The following ITGA9 variants were observed in gnomAD, a reference collection of about 807,000 sequenced individuals.
The protein encoded by ITGA9 is integrin subunit alpha 9, also known as integrin alpha-9.
A neutral mutation model predicts 127.8 loss-of-function variants in ITGA9; 56 were observed. The observed-to-expected ratio is 0.44, with a 90% CI of 0.35 to 0.55. The LOEUF is 0.55. Among genes scored for constraint, ITGA9 ranks in the 20% least tolerant of loss-of-function variants. The probability of loss-of-function intolerance (pLI) is 0.00; values close to 1 mark genes in which losing one functional copy is unlikely to be tolerated. For missense variants in ITGA9, 1,196 were observed against 1,347.1 expected (o/e 0.89, Z 1.76); for synonymous variants, 508 against 514.5 (o/e 0.99, Z 0.17).
At chr3:37,489,573 C>G (rs546341101) in intron 4 of ITGA9, among the ~76,000 whole-genome samples, 1 of 152,124 alleles carries the variant, frequency 6.6e-6, no homozygotes, top group Non-Finnish European at 1.5e-5. Flanking sequence ...ATAAAATGTT[C>G]TCGCTTCCTC....
At chr3:37,509,718 A>G (rs1292786025) in intron 8 of ITGA9, among the ~76,000 whole-genome samples, 1 of 152,210 alleles carries the variant, frequency 6.6e-6, no homozygotes, top group African/African-American at 2.4e-5. Context: ...CCTTCCCGAG[A>G]ACTCTGCTGG....
intron 15 of ITGA9, among the ~76,000 whole-genome samples, chr3:37,610,584 C>G (rs1435360074): frequency 1.3e-5 from 2 of 152,142 alleles, no homozygotes; most frequent in Non-Finnish European, 2.9e-5. Context: ...GCCCGAGGTT[C>G]AGTGTTTGGA....
intron 15 of ITGA9, among the ~76,000 whole-genome samples, chr3:37,552,840 C>T (rs1046353083): frequency 1.3e-5 from 2 of 151,936 alleles, no homozygotes; most frequent in African/African-American, 4.8e-5. Context: ...CATGGTGAAA[C>T]CCCGTTTCTA....
At chr3:37,791,341 A>G (rs1336649597) in intron 26 of ITGA9, among the ~76,000 whole-genome samples, 2 of 148,552 alleles carry the variant, frequency 1.3e-5, no homozygotes, top group African/African-American at 2.5e-5. Flanking sequence ...CTGCTGCCAT[A>G]TGGAGCATGC....
chr3:37,663,696 T>G (rs1420780995), intron 17 of ITGA9, among the ~76,000 whole-genome samples: 1 of 152,314 alleles, frequency 6.6e-6, no homozygotes, highest in East Asian at 1.9e-4. Flanking sequence ...TCCTGTTTTA[T>G]GAAGGGAAAG....
At chr3:37,598,414 A>G (rs1699888026) in intron 15 of ITGA9, among the ~76,000 whole-genome samples, 1 of 152,188 alleles carries the variant, frequency 6.6e-6, no homozygotes, top group Non-Finnish European at 1.5e-5. Context: ...CTGGGGAGCC[A>G]TGGAAATTTC....
At position 37,518,771 on chromosome 3, in the gene ITGA9, C is replaced by CTTTTTTTTTTTTTTT. The variant is rs543297344; in HGVS notation, c.1142-472_1142-458dup. ...GTCAGCTTCTATAGTTTTCACTGTA[C>CTTTTTTTTTTTTTTT]TTTTTTTTTTTTTTTTTTTTTTTTT... On this transcript the variant is annotated intron_variant, in intron 10 of 27. Coordinates refer to ENST00000264741, the MANE Select transcript of ITGA9 (RefSeq NM_002207.3). Among the ~76,000 whole-genome samples the CTTTTTTTTTTTTTTT allele has an allele frequency of 1.8e-4, 8 of 43,514 alleles. 3 individuals are homozygous for CTTTTTTTTTTTTTTT. The highest frequency in any genetic ancestry group is 3.7e-4 in the African/African-American group (4 of 10,722). 28.5% of individuals were successfully genotyped at this position (43,514 alleles called of 152,430 possible). A position where few individuals can be genotyped will look rare whatever the true frequency, so the allele number is the denominator to read the frequency against.
intron 23 of ITGA9, among the ~76,000 whole-genome samples, chr3:37,770,423 C>G (rs1322544069): frequency 1.3e-5 from 2 of 152,218 alleles, no homozygotes; most frequent in African/African-American, 4.8e-5. Flanking sequence ...TTTGGCTGCT[C>G]TGTTTGGGGC....
At chr3:37,503,140 C>T in intron 5 of ITGA9, 38 bp from the exon 6 acceptor site, 2 of 1,612,228 alleles carry the variant, frequency 1.2e-6, no homozygotes, top group Non-Finnish European at 1.7e-6. Flanking sequence ...CCCCTCCTCA[C>T]TTCCTTCTCT....
At position 37,509,300 on chromosome 3, in the gene ITGA9, C is replaced by T. The variant is rs776370794; in HGVS notation, c.897+673C>T. The stretch of plus-strand genomic sequence containing the variant: ...AAATTAAGCCAATTAGAGAGTCCTG[C>T]TATTAATAAGCAACAGTTTTCATGA... On this transcript the variant is annotated intron_variant, in intron 8 of 27. Transcript: ENST00000264741. Among the ~76,000 whole-genome samples, 99 of 152,268 alleles carry T rather than the reference C, an allele frequency of 6.5e-4. 1 individual carries two copies. The highest frequency in any genetic ancestry group is 2.8e-4 in the Non-Finnish European group (19 of 68,034).
intron 16 of ITGA9, among the ~76,000 whole-genome samples, chr3:37,648,080 AT>A (rs202042111): frequency 6.6e-6 from 1 of 151,786 alleles, no homozygotes; most frequent in Non-Finnish European, 1.5e-5. Context: ...TTCTATTTTT[AT>A]TTTTTTTGAG....
At chr3:37,712,668 A>C (rs528149012) in intron 18 of ITGA9, among the ~76,000 whole-genome samples, 47 of 152,230 alleles carry the variant, frequency 3.1e-4, no homozygotes, top group African/African-American at 1.1e-3. Context: ...CTTCGTTCTC[A>C]AACAGGCTCT....
intron 4 of ITGA9, among the ~76,000 whole-genome samples, chr3:37,490,386 A>G (rs1698657558): frequency 6.6e-6 from 1 of 152,238 alleles, no homozygotes; most frequent in African/African-American, 2.4e-5. Context: ...CTCCTTGGTG[A>G]AATTCAGAAT....
At chr3:37,501,398 C>G (rs182018706) in intron 5 of ITGA9, among the ~76,000 whole-genome samples, 1 of 152,198 alleles carries the variant, frequency 6.6e-6, no homozygotes, top group Non-Finnish European at 1.5e-5. Context: ...TGTTTAATCA[C>G]TGTTCTGGAA....
At chr3:37,658,852 C>T (rs964802995) in intron 17 of ITGA9, among the ~76,000 whole-genome samples, 1 of 152,194 alleles carries the variant, frequency 6.6e-6, no homozygotes, top group Non-Finnish European at 1.5e-5. Context: ...TTTAGTGCTT[C>T]CTTCGGGAGC....
chr3:37,574,964 A>T (rs1242832111), intron 15 of ITGA9, among the ~76,000 whole-genome samples: 1 of 152,130 alleles, frequency 6.6e-6, no homozygotes, highest in Non-Finnish European at 1.5e-5. Context: ...GGTCTTTTTC[A>T]TCTGTGTACA....
At chr3:37,556,821 C>T (rs1489344643) in intron 15 of ITGA9, among the ~76,000 whole-genome samples, 2 of 152,222 alleles carry the variant, frequency 1.3e-5, no homozygotes, top group African/African-American at 2.4e-5. Context: ...CTCACACTGA[C>T]CGTGAGAGCG....
Position 37,653,868 on chromosome 3 carries a change from A to G in ITGA9, c.1916+78A>G, listed in dbSNP as rs976163830. 8 of 1,005,462 alleles carry G rather than the reference A, an allele frequency of 8.0e-6. No homozygotes were observed. In the African/African-American group the frequency reaches 1.1e-4, roughly 14 times the overall value. The allele number at this position is 1,005,462 out of a possible 1,614,324, so 62.3% of individuals were successfully genotyped here. ...CCAGGTCCCAAACCTGAATGTGCAGATTTCCCCACTGAAGAGGATAAACAG... is the reference window on the plus strand; with the variant it reads ...CCAGGTCCCAAACCTGAATGTGCAGGTTTCCCCACTGAAGAGGATAAACAG... On this transcript the variant is annotated intron_variant, in intron 17 of 27. Coordinates refer to ENST00000264741, the MANE Select transcript of ITGA9 (RefSeq NM_002207.3).
intron 16 of ITGA9, among the ~76,000 whole-genome samples, chr3:37,641,543 T>C (rs1700333973): frequency 6.6e-6 from 1 of 152,102 alleles, no homozygotes; most frequent in Admixed American, 6.5e-5. Flanking sequence ...TGAGCCCAGA[T>C]AGCATGAGTC....
Sources: gnomAD v4.1 joint callset for allele counts (sites outside exome capture counted in the v4.1 genomes callset) on GRCh38, gnomAD v4.1.1 for gene constraint, MANE v1.5 for transcripts, NCBI Gene and HGNC (gene_info 2026-07-23, HGNC 2026-07-21) for gene names.